Variants in STXBP6 observed in about 807,000 individuals in gnomAD.
STXBP6 encodes syntaxin-binding protein 6.
STXBP6 carries 21 observed loss-of-function variants against 26.9 expected under a neutral mutation model. The ratio of observed to expected loss-of-function variants is 0.78; its 90% confidence interval spans 0.55 to 1.12. STXBP6 has a LOEUF of 1.12. Ranked by LOEUF, STXBP6 falls within the 50% of genes most tolerant of loss-of-function variation. The pLI is 0.00. For missense variants in STXBP6, 232 were observed against 257.9 expected (o/e 0.90, Z 0.69); for synonymous variants, 97 against 92.6 (o/e 1.05, Z -0.27).
At chr14:24,986,035 C>T (rs965731412) in intron 1 of STXBP6, among the ~76,000 whole-genome samples, 2 of 151,948 alleles carry the variant, frequency 1.3e-5, no homozygotes, top group Admixed American at 6.5e-5. Flanking sequence ...AGAGCAGTGC[C>T]GAATTTGTGG....
At chr14:25,023,189 C>A (rs1462310875) in intron 1 of STXBP6, among the ~76,000 whole-genome samples, 2 of 151,880 alleles carry the variant, frequency 1.3e-5, no homozygotes, top group Non-Finnish European at 2.9e-5. Flanking sequence ...ATGGTTTGAA[C>A]TTGGTAGAAT....
At chr14:24,855,840 T>C in intron 4 of STXBP6, 96 bp downstream of exon 4, 1 of 1,210,316 alleles carries the variant, frequency 8.3e-7, no homozygotes, top group Non-Finnish European at 1.1e-6. Flanking sequence ...TCTTCTCCTG[T>C]TTTTGTCTTT....
chr14:25,025,970 C>G (rs1347443840), intron 1 of STXBP6, among the ~76,000 whole-genome samples: 1 of 152,190 alleles, frequency 6.6e-6, no homozygotes, highest in Admixed American at 6.5e-5. Flanking sequence ...AAGACCACAG[C>G]AAATACACAG....
At chr14:24,821,250 A>G (rs1472530897) in intron 4 of STXBP6, among the ~76,000 whole-genome samples, 1 of 152,204 alleles carries the variant, frequency 6.6e-6, no homozygotes, top group African/African-American at 2.4e-5. Context: ...CCTTAAATCA[A>G]AAGGATTTTA....
chr14:24,861,206 G>A (rs541299235), intron 2 of STXBP6, among the ~76,000 whole-genome samples: 9 of 152,218 alleles, frequency 5.9e-5, no homozygotes, highest in African/African-American at 2.2e-4. Flanking sequence ...GTGAAGGTCC[G>A]TGTTGTGTGG....
chr14:25,000,904 T>G (rs535355044), intron 1 of STXBP6, among the ~76,000 whole-genome samples: 1 of 152,114 alleles, frequency 6.6e-6, no homozygotes, highest in African/African-American at 2.4e-5. Flanking sequence ...CTGTCCATAC[T>G]TTGTTGAACC....
rs1039962227 is a variant in STXBP6, at chr14:24,811,157, T to C, written c.*1552A>G. On this transcript the variant is annotated 3_prime_UTR_variant, in exon 6 of 6. Transcript: ENST00000323944. ...TCTCCGACAAATCTCATCTCCCTTT[T>C]AATGTGCACCATCTGATATTTTTAC... The C allele has an allele frequency of 6.6e-6, 1 of 152,184 alleles. No homozygotes were observed. Among genetic ancestry groups the C allele is most frequent in the Non-Finnish European group, 1.5e-5 (1 of 68,042 alleles). The allele number at this position is 152,184 out of a possible 1,614,324, so 9.4% of individuals were successfully genotyped here. A position where few individuals can be genotyped will look rare whatever the true frequency, so the allele number is the denominator to read the frequency against.
At chr14:24,812,863 A>C in intron 5 of STXBP6, 131 bp from the exon 6 acceptor site, 4 of 825,272 alleles carry the variant, frequency 4.8e-6, no homozygotes, top group Non-Finnish European at 6.1e-6. Flanking sequence ...GTGGCAGATC[A>C]CCGTTACTAA....
chr14:24,951,387 C>CCA (rs2073164919), intron 2 of STXBP6, among the ~76,000 whole-genome samples: 1 of 36,818 alleles, frequency 2.7e-5, no homozygotes, highest in African/African-American at 1.3e-4. Flanking sequence ...TTCTCCACAT[C>CCA]CTCTCCGGAC....
intron 2 of STXBP6, among the ~76,000 whole-genome samples, chr14:24,883,793 C>A (rs1410242362): frequency 1.3e-5 from 2 of 152,122 alleles, no homozygotes; most frequent in South Asian, 2.1e-4. Flanking sequence ...AGTGTTTAAT[C>A]CCCCTGGGAT....
intron 2 of STXBP6, among the ~76,000 whole-genome samples, chr14:24,957,135 T>C (rs72682959): frequency 0.19 from 28,839 of 152,000 alleles, 2,873 homozygotes; most frequent in South Asian, 0.33. Context: ...TTGTCCCCAT[T>C]GTCTAGGAAA....
intron 2 of STXBP6, among the ~76,000 whole-genome samples, chr14:24,860,733 G>C (rs2069507554): frequency 6.6e-6 from 1 of 151,338 alleles, no homozygotes; most frequent in Admixed American, 6.6e-5. Context: ...CATTGAACTT[G>C]AATTACTTTA....
At chr14:24,876,997 A>G (rs2070168416) in intron 2 of STXBP6, among the ~76,000 whole-genome samples, 2 of 152,216 alleles carry the variant, frequency 1.3e-5, no homozygotes, top group Admixed American at 1.3e-4. Context: ...TTCCCTTCTC[A>G]TAAAACTCTA....
At chr14:25,005,471 C>T (rs2074869132) in intron 1 of STXBP6, among the ~76,000 whole-genome samples, 1 of 152,188 alleles carries the variant, frequency 6.6e-6, no homozygotes, top group Admixed American at 6.5e-5. Context: ...TCAAAAACCA[C>T]GATGGGTCAC....
At chr14:24,998,575 T>C (rs2074668241) in intron 1 of STXBP6, among the ~76,000 whole-genome samples, 1 of 152,190 alleles carries the variant, frequency 6.6e-6, no homozygotes, top group Admixed American at 6.5e-5. Flanking sequence ...TGACCTCTTG[T>C]GTAGGACTCT....
chr14:24,970,583 T>C, intron 2 of STXBP6, among the ~76,000 whole-genome samples: 1 of 152,240 alleles, frequency 6.6e-6, no homozygotes, highest in East Asian at 1.9e-4. Flanking sequence ...TGCAAGGTAG[T>C]ATTCCACTGC....
intron 1 of STXBP6, among the ~76,000 whole-genome samples, chr14:24,992,085 C>T (rs1595269718): frequency 2.6e-5 from 4 of 152,298 alleles, no homozygotes; most frequent in African/African-American, 9.6e-5. Context: ...TTTTTCCAAC[C>T]AGATTCTGAG....
intron 3 of STXBP6, 145 bp downstream of exon 3, chr14:24,856,882 G>A: frequency 1.0e-6 from 1 of 967,666 alleles, no homozygotes; most frequent in Non-Finnish European, 1.5e-6. Context: ...AAAGGACTCT[G>A]TATCCGAAAG....
intron 2 of STXBP6, among the ~76,000 whole-genome samples, chr14:24,901,243 G>T (rs953487977): frequency 6.6e-6 from 1 of 151,400 alleles, no homozygotes; most frequent in African/African-American, 2.4e-5. Flanking sequence ...AAATTGAAAT[G>T]TCCTCAAATC....
Sources: allele counts gnomAD v4.1 joint callset (sites outside exome capture counted in the v4.1 genomes callset), GRCh38; gene constraint gnomAD v4.1.1; transcripts MANE v1.5; gene names NCBI Gene and HGNC (gene_info 2026-07-23, HGNC 2026-07-21).